Variants in KANSL1L observed in about 807,000 individuals in gnomAD.
The protein encoded by KANSL1L is KAT8 regulatory NSL complex subunit 1-like protein.
Under a neutral mutation model 108.6 loss-of-function variants are expected in KANSL1L, and 25 were observed. The ratio of observed to expected loss-of-function variants is 0.23; its 90% CI spans 0.17 to 0.32. The LOEUF is 0.32. KANSL1L is among the 10% of genes least tolerant of loss of function. The pLI is 1.00. For missense variants in KANSL1L, 1,137 were observed against 1,125.7 expected, an observed-to-expected ratio of 1.01 and a Z score of -0.14; for synonymous variants, 405 against 395.1, an observed-to-expected ratio of 1.03 and a Z score of -0.30.
intron 3 of KANSL1L, among the ~76,000 whole-genome samples, chr2:210,112,278 A>G (rs1267669704): frequency 6.6e-6 from 1 of 152,154 alleles, no homozygotes; most frequent in Non-Finnish European, 1.5e-5. Context: ...GTGCTGGGAA[A>G]ACTGGCTAGC....
intron 2 of KANSL1L, among the ~76,000 whole-genome samples, chr2:210,130,569 C>T (rs529427040): frequency 6.6e-6 from 1 of 152,072 alleles, no homozygotes; most frequent in Non-Finnish European, 1.5e-5. Flanking sequence ...TTAAAGACAC[C>T]ATATGATTTA....
intron 6 of KANSL1L, among the ~76,000 whole-genome samples, chr2:210,069,113 A>G (rs1438070786): frequency 2.0e-5 from 3 of 152,188 alleles, no homozygotes; most frequent in Non-Finnish European, 2.9e-5. Flanking sequence ...TTTACTTGGA[A>G]ATTTCCTCAG....
chr2:210,153,532 C>T lies in KANSL1L; in HGVS notation c.1051G>A (p.Asp351Asn), dbSNP rs751530648. 8.7e-6 allele frequency: 14 copies of T among 1,614,032 alleles called. No individual in the cohort carries two copies. The highest frequency in any genetic ancestry group is 4.5e-5 in the East Asian group (2 of 44,868). Reference sequence around the variant, plus strand: ...TTTCTAAGGGTATATTCATCCAAATCGTCATCAGAGCTGCTATCAGTTGCA... The same window carrying T: ...TTTCTAAGGGTATATTCATCCAAATTGTCATCAGAGCTGCTATCAGTTGCA... ...SDATDSSSDD[D>N]LDEYTLRKNV... The change falls in exon 2 of 15, where the codon GAT (aspartate) becomes AAT (asparagine). Residue 351 changes from aspartate (D) to asparagine (N), a missense_variant. Asp to Asn is a conservative substitution (Grantham distance 23). Coordinates refer to ENST00000281772, the MANE Select transcript of KANSL1L (RefSeq NM_152519.4).
chr2:210,150,844 G>A (rs536963075), intron 2 of KANSL1L, among the ~76,000 whole-genome samples: 80 of 151,766 alleles, frequency 5.3e-4, no homozygotes, highest in Non-Finnish European at 9.7e-4. Flanking sequence ...TGCAAAGTGT[G>A]GTATCTACCC....
intron 2 of KANSL1L, among the ~76,000 whole-genome samples, chr2:210,137,276 G>A (rs540089538): frequency 6.6e-6 from 1 of 152,322 alleles, no homozygotes; most frequent in South Asian, 2.1e-4. Context: ...TGAGCTACAG[G>A]AGGATATTTC....
intron 6 of KANSL1L, among the ~76,000 whole-genome samples, chr2:210,060,867 A>C (rs2094412409): frequency 6.6e-6 from 1 of 152,210 alleles, no homozygotes; most frequent in Admixed American, 6.5e-5. Context: ...ATTCATTTAA[A>C]ACTTCTGCCC....
chr2:210,160,747 A>G (rs1205311471), intron 1 of KANSL1L, among the ~76,000 whole-genome samples: 1 of 152,246 alleles, frequency 6.6e-6, no homozygotes, highest in Non-Finnish European at 1.5e-5. Flanking sequence ...AAACTGATTT[A>G]TAAGTTTAGA....
chr2:210,057,649 C>T (rs116212119), intron 6 of KANSL1L, among the ~76,000 whole-genome samples: 1,632 of 152,232 alleles, frequency 0.011, 24 homozygotes, highest in African/African-American at 0.035. Context: ...AGCCAGGAAC[C>T]CTGAATGGAG....
rs1018666729 is a variant in KANSL1L, at chr2:210,022,104, C to T, written c.*845G>A. On this transcript the variant is annotated 3_prime_UTR_variant, in exon 15 of 15. Coordinates refer to ENST00000281772, the MANE Select transcript of KANSL1L (RefSeq NM_152519.4). The stretch of plus-strand genomic sequence containing the variant: ...TCATGAGACACATTAATTGGTAAAA[C>T]TCAAATTGAGTTTTCAAAGATGTGA... 1 of 149,116 alleles carries T rather than the reference C, an allele frequency of 6.7e-6. No individual in the cohort carries two copies. Among genetic ancestry groups the T allele is most frequent in the Non-Finnish European group, 1.5e-5 (1 of 67,582 alleles). 9.2% of individuals were successfully genotyped at this position (149,116 alleles called of 1,614,324 possible). A position where few individuals can be genotyped will look rare whatever the true frequency, so the allele number is the denominator to read the frequency against.
chr2:210,058,069 G>A (rs2094374518), intron 6 of KANSL1L, among the ~76,000 whole-genome samples: 2 of 152,230 alleles, frequency 1.3e-5, no homozygotes, highest in Admixed American at 1.3e-4. Flanking sequence ...AGCCAAGGCG[G>A]AACAGAGCCA....
At chr2:210,170,790 T>C (rs1688289120) in intron 1 of KANSL1L, 1 of 152,130 alleles carries the variant, frequency 6.6e-6, no homozygotes, top group Non-Finnish European at 1.5e-5. Flanking sequence ...AAACCACGTG[T>C]TCTGCCTTCT....
At chr2:210,137,456 T>A (rs1371350302) in intron 2 of KANSL1L, among the ~76,000 whole-genome samples, 1 of 152,214 alleles carries the variant, frequency 6.6e-6, no homozygotes, top group Non-Finnish European at 1.5e-5. Flanking sequence ...TACATTATAT[T>A]GACATCATTC....
At chr2:210,121,468 G>T (rs1341535066) in intron 3 of KANSL1L, among the ~76,000 whole-genome samples, 1 of 152,058 alleles carries the variant, frequency 6.6e-6, no homozygotes, top group Non-Finnish European at 1.5e-5. Flanking sequence ...ACACATAGAG[G>T]GGAATAACAC....
At chr2:210,051,914 A>G (rs1238347248) in intron 6 of KANSL1L, among the ~76,000 whole-genome samples, 1 of 151,554 alleles carries the variant, frequency 6.6e-6, no homozygotes, top group Non-Finnish European at 1.5e-5. Flanking sequence ...GTGTTCTGGG[A>G]GATTTATTTG....
chr2:210,164,125 G>A (rs1050628345), intron 1 of KANSL1L, among the ~76,000 whole-genome samples: 7 of 152,070 alleles, frequency 4.6e-5, no homozygotes, highest in Admixed American at 2.6e-4. Flanking sequence ...TAAATTTAAT[G>A]TCATCATATA....
intron 4 of KANSL1L, among the ~76,000 whole-genome samples, chr2:210,102,436 C>T (rs1001393575): frequency 6.6e-6 from 1 of 152,244 alleles, no homozygotes; most frequent in East Asian, 1.9e-4. Flanking sequence ...ACACCACAAG[C>T]AATGGCAACA....
chr2:210,062,205 T>C (rs2094427109), intron 6 of KANSL1L, among the ~76,000 whole-genome samples: 1 of 152,196 alleles, frequency 6.6e-6, no homozygotes, highest in East Asian at 1.9e-4. Context: ...TCATGAGATC[T>C]GATGGTTTTA....
rs1019938905 is a variant in KANSL1L, at chr2:210,153,784, G to A, written c.799C>T (p.His267Tyr). 4.3e-6 allele frequency: 7 copies of A among 1,612,590 alleles called. No homozygotes were observed. The African/African-American group carries it at 9.4e-5, about 22-fold the overall frequency. ...AATGTCTTCATTTTGGGGAGTTGAT[G>A]TTTCATAGACAATTTCATCTGCTGA... ...YGQQMKLSMK[H>Y]QLPKMKTFHE... The change falls in exon 2 of 15, where the codon CAT becomes TAT. Residue 267 changes from histidine (H) to tyrosine (Y), a missense_variant. Coordinates refer to ENST00000281772, the MANE Select transcript of KANSL1L (RefSeq NM_152519.4).
In KANSL1L at chr2:210,056,511, C is replaced by T. The variant is rs193158173; in HGVS notation, c.1756-12407G>A. Among the ~76,000 whole-genome samples the T allele has an allele frequency of 2.6e-5, 4 of 152,218 alleles. No individual in the cohort carries two copies. In the East Asian group the frequency reaches 5.8e-4, roughly 22 times the overall value. On this transcript the variant is annotated intron_variant, in intron 6 of 14. Transcript: ENST00000281772. ...AATATCTTTTTTTGAGACAGAGTCTCGCTCTGTCACCCAGGCTGGAGTGCA... is the reference window on the plus strand; with the variant it reads ...AATATCTTTTTTTGAGACAGAGTCTTGCTCTGTCACCCAGGCTGGAGTGCA...
Sources: allele counts gnomAD v4.1 joint callset (sites outside exome capture counted in the v4.1 genomes callset), GRCh38; gene constraint gnomAD v4.1.1; transcripts MANE v1.5; gene names NCBI Gene and HGNC (gene_info 2026-07-23, HGNC 2026-07-21).